The following VPS8 variants were observed in gnomAD, a reference collection of about 807,000 sequenced individuals.
The protein encoded by VPS8 is VPS8 subunit of CORVET complex.
In VPS8, 129 loss-of-function variants were observed where a neutral mutation model predicts 216.4. The observed-to-expected ratio is 0.60, with a 90% CI of 0.52 to 0.69. VPS8 has a LOEUF of 0.69. Ranked by LOEUF, VPS8 falls within the 30% of genes least tolerant of loss-of-function variation. The pLI is 0.00. For synonymous variants in VPS8, 571 were observed against 565.4 expected (o/e 1.01, Z -0.14); for missense variants, 1,531 against 1,683.5 (o/e 0.91, Z 1.59).
chr3:184,858,126 G>A (rs1725616478), intron 14 of VPS8, among the ~76,000 whole-genome samples: 2 of 152,292 alleles, frequency 1.3e-5, no homozygotes, highest in East Asian at 3.9e-4. Context: ...TGAATTTCAG[G>A]TGGTCGGGTG....
intron 29 of VPS8, among the ~76,000 whole-genome samples, chr3:184,923,026 G>A (rs1352442104): frequency 6.6e-6 from 1 of 151,962 alleles, no homozygotes; most frequent in Non-Finnish European, 1.5e-5. Context: ...TAATAAGTTT[G>A]CACTTGACAA....
chr3:184,984,553 A>G (rs1274494584), intron 42 of VPS8, among the ~76,000 whole-genome samples: 1 of 152,094 alleles, frequency 6.6e-6, no homozygotes, highest in Non-Finnish European at 1.5e-5. Context: ...TCAGCCTCCC[A>G]AAGTGCTCGG....
chr3:184,815,756 G>A (rs1010891042), intron 1 of VPS8: 7 of 146,288 alleles, frequency 4.8e-5, no homozygotes, highest in Non-Finnish European at 7.5e-5. Flanking sequence ...GTGCTGGGGT[G>A]TTTTAACCTT....
intron 42 of VPS8, among the ~76,000 whole-genome samples, chr3:184,992,439 G>A (rs892750337): frequency 7.9e-5 from 12 of 152,078 alleles, no homozygotes; most frequent in South Asian, 2.1e-4. Context: ...CCAGTATAGT[G>A]TGTTTATTAA....
At chr3:185,040,179 A>G (rs796806377) in intron 46 of VPS8, among the ~76,000 whole-genome samples, 42 of 152,292 alleles carry the variant, frequency 2.8e-4, no homozygotes, top group African/African-American at 9.4e-4. Context: ...AGGCCCCTCC[A>G]ACATTGGAGC....
chr3:184,924,717 C>A, intron 29 of VPS8, 145 bp from the exon 30 acceptor site: 3 of 1,049,224 alleles, frequency 2.9e-6, no homozygotes, highest in Admixed American at 6.0e-5. Flanking sequence ...TTCTAAATGG[C>A]GTTGAATTCA....
intron 20 of VPS8, among the ~76,000 whole-genome samples, chr3:184,870,485 G>A (rs1299439687): frequency 6.6e-6 from 1 of 152,154 alleles, no homozygotes; most frequent in Non-Finnish European, 1.5e-5. Context: ...AGATGCCACT[G>A]AGGTCTAGAA....
intron 42 of VPS8, among the ~76,000 whole-genome samples, chr3:184,986,580 G>C (rs1751115246): frequency 1.3e-5 from 2 of 152,120 alleles, no homozygotes; most frequent in African/African-American, 2.4e-5. Context: ...TCTCATGAAG[G>C]AGACAGAGGT....
rs1044804820 is a variant in VPS8 at position 184,844,423 on chromosome 3, AAAAT to A, written c.541+1190_541+1193del. On this transcript the variant is annotated intron_variant, in intron 8 of 47. Transcript: ENST00000625842. Reference sequence around the variant, plus strand: ...GTGACAGAGTGAGACTCTGTCAAAAAAAATAAATAAATAAAAAATAAAAAATAAG... The same window carrying A: ...GTGACAGAGTGAGACTCTGTCAAAAAAAATAAATAAAAAATAAAAAATAAG... Among the ~76,000 whole-genome samples the A allele has an allele frequency of 3.9e-5, 6 of 152,148 alleles. No individual in the cohort carries two copies. In the East Asian group the frequency reaches 5.8e-4, roughly 15 times the overall value.
At chr3:184,991,496 A>T (rs1261704428) in intron 42 of VPS8, among the ~76,000 whole-genome samples, 1 of 152,188 alleles carries the variant, frequency 6.6e-6, no homozygotes, top group Non-Finnish European at 1.5e-5. Flanking sequence ...TTACAGTGAG[A>T]TGTACTGATA....
rs1486809725 is a variant in VPS8, at chr3:184,870,730, A to G, written c.1659A>G (p.Leu553=). The G allele has an allele frequency of 6.2e-6, 10 of 1,611,662 alleles. No homozygotes were observed. Among genetic ancestry groups the G allele is most frequent in the Middle Eastern group, 3.3e-4 (2 of 6,082 alleles). Residue 553 remains leucine (L), a synonymous_variant, in exon 21 of 48, where the codon CTA becomes CTG. Coordinates refer to ENST00000625842, the MANE Select transcript of VPS8 (RefSeq NM_001009921.3). The part of the protein sequence containing the change: ...AIVADRMVEI[L]FHYADRALKK... Reference sequence around the variant, plus strand: ...TTTCCTTACAGATGGTAGAAATCCTATTCCATTATGCAGATCGAGCTCTGA... The same window carrying G: ...TTTCCTTACAGATGGTAGAAATCCTGTTCCATTATGCAGATCGAGCTCTGA...
chr3:184,961,589 C>G (rs867407329), intron 37 of VPS8, among the ~76,000 whole-genome samples: 2 of 152,026 alleles, frequency 1.3e-5, no homozygotes, highest in African/African-American at 4.8e-5. Context: ...CCATCCTAAA[C>G]TGGTGTTTAT....
chr3:184,842,355 G>T (rs1015551138), intron 7 of VPS8, among the ~76,000 whole-genome samples: 2 of 141,582 alleles, frequency 1.4e-5, no homozygotes, highest in South Asian at 2.2e-4. Context: ...CTGGTTCCTG[G>T]TTTTTTTTTT....
At chr3:184,831,128 A>G (rs1036225427) in intron 3 of VPS8, among the ~76,000 whole-genome samples, 3 of 152,218 alleles carry the variant, frequency 2.0e-5, no homozygotes, top group Non-Finnish European at 2.9e-5. Context: ...AGAACCAGGA[A>G]GGAGAGATGT....
At chr3:184,959,736 T>G (rs1255376056) in intron 37 of VPS8, among the ~76,000 whole-genome samples, 1 of 152,196 alleles carries the variant, frequency 6.6e-6, no homozygotes, top group Non-Finnish European at 1.5e-5. Flanking sequence ...CCCAATCCAG[T>G]GATAATATGG....
chr3:184,831,602 A>C (rs952604029), intron 3 of VPS8, among the ~76,000 whole-genome samples: 3 of 152,096 alleles, frequency 2.0e-5, no homozygotes, highest in African/African-American at 4.8e-5. Flanking sequence ...TCTGCTTTCT[A>C]ATTTCAGTGA....
chr3:184,872,129 T>G (rs1266260655), intron 21 of VPS8, among the ~76,000 whole-genome samples: 1 of 152,150 alleles, frequency 6.6e-6, no homozygotes, highest in African/African-American at 2.4e-5. Flanking sequence ...AGTACTTGTG[T>G]ATACCAATGC....
chr3:184,993,977 G>T lies in VPS8; in HGVS notation c.3586-6G>T, dbSNP rs374210002. On this transcript the variant is annotated splice_region_variant and splice_polypyrimidine_tract_variant and intron_variant, in intron 42 of 47. Coordinates refer to ENST00000625842, the MANE Select transcript of VPS8 (RefSeq NM_001009921.3). ...TTGTAACAGAATTGTAATTTTTTCC[G>T]ATTAGGATCCAGTTTATGGAAAAGG... 4.6e-6 allele frequency: 7 copies of T among 1,537,418 alleles called. No individual in the cohort carries two copies. The highest frequency in any genetic ancestry group is 1.4e-5 in the African/African-American group (1 of 72,224).
chr3:184,999,900 T>C, intron 45 of VPS8, 39 bp downstream of exon 45: 3 of 1,569,702 alleles, frequency 1.9e-6, no homozygotes, highest in Non-Finnish European at 2.6e-6. Flanking sequence ...AATGGTCTTT[T>C]CTTACCAATG....
Sources: gnomAD v4.1 joint callset for allele counts (sites outside exome capture counted in the v4.1 genomes callset) on GRCh38, gnomAD v4.1.1 for gene constraint, MANE v1.5 for transcripts, NCBI Gene and HGNC (gene_info 2026-07-23, HGNC 2026-07-21) for gene names.